Variants in IL6R observed in about 807,000 individuals in gnomAD.
IL6R encodes the protein interleukin-6 receptor subunit alpha.
In IL6R, 38 loss-of-function variants were observed where a neutral mutation model predicts 48.3. That is an observed-to-expected ratio of 0.79 (90% CI 0.61 to 1.03). IL6R has a LOEUF of 1.03. IL6R is among the 50% of genes least tolerant of loss of function. IL6R has a pLI of 0.00. For synonymous variants in IL6R, 264 were observed against 256.2 expected, an observed-to-expected ratio of 1.03 and a Z score of -0.29; for missense variants, 534 against 618.3, an observed-to-expected ratio of 0.86 and a Z score of 1.45.
chr1:154,448,424 C>T (rs1004063436), intron 7 of IL6R, among the ~76,000 whole-genome samples: 16 of 152,244 alleles, frequency 1.1e-4, no homozygotes, highest in African/African-American at 3.9e-4. Context: ...GCTATTTCAT[C>T]TCTGAGCTTT....
At chr1:154,429,149 C>A in intron 1 of IL6R, 47 bp from the exon 2 acceptor site, 2 of 1,582,334 alleles carry the variant, frequency 1.3e-6, no homozygotes, top group Non-Finnish European at 1.7e-6. Context: ...ACGAAGCCCC[C>A]TTCTTCAGTG....
chr1:154,438,349 T>C (rs975950397), intron 6 of IL6R, among the ~76,000 whole-genome samples: 1 of 152,112 alleles, frequency 6.6e-6, no homozygotes, highest in African/African-American at 2.4e-5. Flanking sequence ...TCTGCTTAAA[T>C]GCTTCCAGAG....
intron 2 of IL6R, among the ~76,000 whole-genome samples, 157 bp downstream of exon 2, chr1:154,429,601 A>C (rs1410227068): frequency 2.0e-5 from 3 of 152,184 alleles, no homozygotes; most frequent in African/African-American, 7.2e-5. Context: ...AGATGCTGGC[A>C]AAGACTGCTG....
intron 1 of IL6R, among the ~76,000 whole-genome samples, chr1:154,411,070 G>C (rs917295916): frequency 6.6e-6 from 1 of 152,098 alleles, no homozygotes; most frequent in African/African-American, 2.4e-5. Flanking sequence ...TTTTGTTTTC[G>C]TTTTTGTTTT....
intron 1 of IL6R, among the ~76,000 whole-genome samples, chr1:154,426,256 A>G (rs1688962335): frequency 6.6e-6 from 1 of 152,068 alleles, no homozygotes. Context: ...CACGCCTGTA[A>G]TCCCAGCACT....
intron 1 of IL6R, among the ~76,000 whole-genome samples, chr1:154,409,573 T>G (rs1386821): frequency 0.16 from 24,152 of 152,156 alleles, 2,139 homozygotes; most frequent in Non-Finnish European, 0.19. Flanking sequence ...AGTAAGGTAT[T>G]AAATAGAGTG....
chr1:154,432,691 T>A (rs1570958208), intron 3 of IL6R, among the ~76,000 whole-genome samples: 1 of 151,780 alleles, frequency 6.6e-6, no homozygotes, highest in Admixed American at 6.6e-5. Flanking sequence ...ACAGCGGGAG[T>A]GGGAGAGAGT....
intron 1 of IL6R, among the ~76,000 whole-genome samples, chr1:154,425,958 C>A (rs1437254242): frequency 7.0e-6 from 1 of 143,592 alleles, no homozygotes; most frequent in Non-Finnish European, 1.5e-5. Context: ...TGTGCACCTC[C>A]CAGTTACTCA....
chr1:154,405,711 C>T lies in IL6R; in HGVS notation c.82C>T (p.Gln28Ter). 6.6e-7 allele frequency: 1 copy of T among 1,513,666 alleles called. No individual in the cohort carries two copies. The highest frequency in any genetic ancestry group is 8.8e-7 in the Non-Finnish European group (1 of 1,138,392). 93.8% of individuals were successfully genotyped at this position (1,513,666 alleles called of 1,614,324 possible). Residue 28 changes from glutamine (Q) to a stop codon, truncating the protein, a stop_gained, in exon 1 of 10, where the codon CAG (glutamine) becomes TAG (stop). Transcript: ENST00000368485. LOFTEE classifies it high-confidence loss of function. The surrounding 1 kb of genome is among the most constrained non-coding windows in gnomAD (Gnocchi z 5.2). ...GCTGGCCCCAAGGCGCTGCCCTGCGCAGGGTAAGGGCTTCGGGCGCACCTG... is the reference window on the plus strand; with the variant it reads ...GCTGGCCCCAAGGCGCTGCCCTGCGTAGGGTAAGGGCTTCGGGCGCACCTG... ...AALAPRRCPA[Q>*]EVARGVLTSL...
chr1:154,436,537 A>G (rs1289550357), intron 6 of IL6R, among the ~76,000 whole-genome samples: 3 of 152,222 alleles, frequency 2.0e-5, no homozygotes, highest in Non-Finnish European at 2.9e-5. Context: ...AATTTCAAAA[A>G]TACAGTCAGT....
At chr1:154,441,502 G>A (rs979710613) in intron 6 of IL6R, among the ~76,000 whole-genome samples, 1 of 152,194 alleles carries the variant, frequency 6.6e-6, no homozygotes, top group African/African-American at 2.4e-5. Context: ...ATCCAAGAAA[G>A]AAACCTGCTG....
chr1:154,466,743 G>A lies in IL6R; in HGVS notation c.*1363G>A. On this transcript the variant is annotated 3_prime_UTR_variant, in exon 10 of 10. Coordinates refer to ENST00000368485, the MANE Select transcript of IL6R (RefSeq NM_000565.4). ...TGTGCCTGAAGTCCCAGATACTTGG[G>A]GGGCTGAGGTGGGAGGATCTCTTGA... is the stretch of plus-strand genomic sequence containing the variant. 5.9e-6 allele frequency: 1 copy of A among 169,734 alleles called. No individual in the cohort carries two copies. The highest frequency in any genetic ancestry group is 1.5e-4 in the East Asian group (1 of 6,712). The allele number at this position is 169,734 out of a possible 1,614,324, so 10.5% of individuals were successfully genotyped here.
chr1:154,419,765 GT>G (rs1430619673), intron 1 of IL6R, among the ~76,000 whole-genome samples: 3 of 152,246 alleles, frequency 2.0e-5, no homozygotes, highest in African/African-American at 7.2e-5. Flanking sequence ...CTGCAAGAGA[GT>G]TGAGAAATAT....
chr1:154,435,286 A>C (rs1434363489), intron 5 of IL6R, 130 bp downstream of exon 5: 1 of 776,628 alleles, frequency 1.3e-6, no homozygotes, highest in Admixed American at 2.7e-5. Flanking sequence ...AAGGTGGGCG[A>C]ATCACTTGAG....
chr1:154,452,566 C>T (rs1690644403), intron 8 of IL6R, among the ~76,000 whole-genome samples: 1 of 152,200 alleles, frequency 6.6e-6, no homozygotes, highest in Non-Finnish European at 1.5e-5. Context: ...GGCGCGGTGG[C>T]TCACGCCTGT....
intron 1 of IL6R, chr1:154,414,479 T>A: frequency 2.9e-6 from 3 of 1,029,372 alleles, no homozygotes; most frequent in Admixed American, 3.9e-5. Context: ...ATATTAGTTG[T>A]TGGGGCCCGG....
intron 6 of IL6R, among the ~76,000 whole-genome samples, chr1:154,443,632 A>G (rs1185868049): frequency 1.3e-5 from 2 of 152,162 alleles, no homozygotes; most frequent in Non-Finnish European, 2.9e-5. Flanking sequence ...TATTTGTCAA[A>G]TGGGAATAAT....
intron 3 of IL6R, among the ~76,000 whole-genome samples, chr1:154,432,675 A>T (rs1428747371): frequency 2.0e-5 from 3 of 152,194 alleles, no homozygotes; most frequent in Admixed American, 6.5e-5. Flanking sequence ...AATACTTTCC[A>T]TGTTGACAGC....
intron 1 of IL6R, chr1:154,414,611 C>A: frequency 1.3e-6 from 1 of 784,720 alleles, no homozygotes; most frequent in Non-Finnish European, 2.2e-6. Flanking sequence ...GCCATCTCAT[C>A]CCTGATAGTG....
Sources: gnomAD v4.1 joint callset for allele counts (sites outside exome capture counted in the v4.1 genomes callset) on GRCh38, gnomAD v4.1.1 for gene constraint, Gnocchi (gnomAD v3.1) non-coding constraint, MANE v1.5 for transcripts, NCBI Gene and HGNC (gene_info 2026-07-23, HGNC 2026-07-21) for gene names.